Variants in ZNF688 observed in about 807,000 individuals in gnomAD.
ZNF688 encodes zinc finger protein 688.
In ZNF688, 10 loss-of-function variants were observed where a neutral mutation model predicts 13.2. The ratio of observed to expected loss-of-function variants is 0.76; its 90% CI spans 0.47 to 1.28. The LOEUF is 1.28. Among genes scored for constraint, ZNF688 ranks in the 50% most tolerant of loss-of-function variants. The pLI is 0.00. For missense variants in ZNF688, 381 were observed against 391.4 expected, an observed-to-expected ratio of 0.97 and a Z score of 0.22; for synonymous variants, 160 against 159.4, an observed-to-expected ratio of 1.00 and a Z score of -0.03.
At position 30,571,059 on chromosome 16, in the gene ZNF688, G is replaced by A; in HGVS notation, c.261C>T (p.Pro87=). The change falls in exon 2 of 3, where the codon CCC becomes CCT. Residue 87 remains proline, a synonymous_variant. Transcript: ENST00000223459. ...WMEQESEAWS[P]AAQDPEKGER... ...CCCCCTTCTCAGGATCCTGGGCGGC[G>A]GGGCTCCAAGCCTCACTCTCCTGTT... 4 of 1,611,238 alleles carry A rather than the reference G, an allele frequency of 2.5e-6. No individual in the cohort carries two copies. Among genetic ancestry groups the A allele is most frequent in the East Asian group, 2.2e-5 (1 of 44,702 alleles).
At chr16:30,577,149 A>C (rs1160791733), upstream of ZNF688, among the ~76,000 whole-genome samples, 2 of 152,136 alleles carry the variant, frequency 1.3e-5, no homozygotes, top group Non-Finnish European at 2.9e-5. Flanking sequence ...TGCAGCCTGG[A>C]ACTCTTGGGC....
At chr16:30,577,355 A>C (rs1413969317), upstream of ZNF688, among the ~76,000 whole-genome samples, 1 of 152,016 alleles carries the variant, frequency 6.6e-6, no homozygotes, top group Non-Finnish European at 1.5e-5. Flanking sequence ...AACAATAAAA[A>C]TATTAACTAA....
At chr16:30,579,727 C>T in the ZNF688 span, 1 of 447,874 alleles carries the variant, frequency 2.2e-6, no homozygotes, top group Non-Finnish European at 4.5e-6. Flanking sequence ...AAGAAGCAGT[C>T]TTTTCAAAGA....
chr16:30,573,258 C>T (rs747276222), upstream of ZNF688, among the ~76,000 whole-genome samples: 4 of 152,168 alleles, frequency 2.6e-5, no homozygotes, highest in East Asian at 7.7e-4. Context: ...ATAGCATCAA[C>T]TTTCAAATCC....
At position 30,570,109 on chromosome 16, in the gene ZNF688, C is replaced by A; in HGVS notation, c.638G>T (p.Cys213Phe). 6.2e-7 allele frequency: 1 copy of A among 1,611,268 alleles called. No homozygotes were observed. Among genetic ancestry groups the A allele is most frequent in the Non-Finnish European group, 8.5e-7 (1 of 1,178,872 alleles). ...CTTGAAGCGCATGCCACACTCGGGG[C>A]AGGGGAAAGGCCGCTCCCCCGAGTG... ...RMHSGERPFP[C>F]PECGMRFKRK... Residue 213 changes from cysteine (C) to phenylalanine (F), a missense_variant, in exon 3 of 3, where the codon TGC becomes TTC. Transcript: ENST00000223459.
intron 1 of ZNF688, 53 bp from the exon 2 acceptor site, chr16:30,571,176 T>C (rs779575921): frequency 3.9e-6 from 6 of 1,540,018 alleles, no homozygotes; most frequent in Admixed American, 4.2e-5. Flanking sequence ...CGTGGGAAGA[T>C]GGCATTCCCC....
rs1177146077 is a variant in ZNF688, at chr16:30,569,899, C to T, written c.*17G>A. 6.6e-6 allele frequency: 10 copies of T among 1,516,980 alleles called. No individual in the cohort carries two copies. The highest frequency in any genetic ancestry group is 8.8e-6 in the Non-Finnish European group (10 of 1,133,082). 94.0% of individuals were successfully genotyped at this position (1,516,980 alleles called of 1,614,324 possible). A position where few individuals can be genotyped will look rare whatever the true frequency, so the allele number is the denominator to read the frequency against. On this transcript the variant is annotated 3_prime_UTR_variant, in exon 3 of 3. Transcript: ENST00000223459. ...CTTCGTGCCAAGGTCAGGCTCAACT[C>T]CAGCCTGCGGTGCCGCTCAGCCGCA...
upstream of ZNF688, chr16:30,573,702 T>G (rs972409871): frequency 1.8e-5 from 3 of 164,664 alleles, no homozygotes; most frequent in African/African-American, 7.2e-5. Flanking sequence ...GATTTCTTTG[T>G]GTTTTCTGGC....
chr16:30,571,202 C>A (rs1387651323), intron 1 of ZNF688, 79 bp from the exon 2 acceptor site: 4 of 1,516,190 alleles, frequency 2.6e-6, no homozygotes, highest in Non-Finnish European at 3.5e-6. Flanking sequence ...GCTGAGGGCA[C>A]CCCCTCGGAG....
Position 30,571,690 on chromosome 16 carries a change from C to T in ZNF688, c.-61G>A. The stretch of plus-strand genomic sequence containing the variant: ...CCTGGAGCCGCCGCCTCCCCGCTCC[C>T]GGCCTCAGCTGTCGTTGTCCACAGG... On this transcript the variant is annotated 5_prime_UTR_variant, in exon 1 of 3. Transcript: ENST00000223459. The T allele has an allele frequency of 1.5e-6, 2 of 1,360,896 alleles. No individual in the cohort carries two copies. Among genetic ancestry groups the T allele is most frequent in the Non-Finnish European group, 1.9e-6 (2 of 1,062,390 alleles). 84.3% of individuals were successfully genotyped at this position (1,360,896 alleles called of 1,614,324 possible).
At chr16:30,576,653 CATTGTAGTTCTG>C (rs769766691), upstream of ZNF688, among the ~76,000 whole-genome samples, 1 of 152,130 alleles carries the variant, frequency 6.6e-6, no homozygotes, top group Non-Finnish European at 1.5e-5. Context: ...AGGCCGGCTT[CATTGTAGTTCTG>C]ATTTGCATTT....
At chr16:30,577,826 C>T in the ZNF688 span, among the ~76,000 whole-genome samples, 1 of 151,806 alleles carries the variant, frequency 6.6e-6, no homozygotes, top group African/African-American at 2.4e-5. Flanking sequence ...GAAAACAGCA[C>T]AACCTGCTAA....
At chr16:30,571,998 C>T (rs762663564), upstream of ZNF688, 16 of 1,385,574 alleles carry the variant, frequency 1.2e-5, no homozygotes, top group Non-Finnish European at 1.5e-5. Flanking sequence ...GCCTCATCGT[C>T]CCACTTGCCC....
chr16:30,576,461 C>T (rs1274005818), upstream of ZNF688, among the ~76,000 whole-genome samples: 4 of 152,170 alleles, frequency 2.6e-5, no homozygotes, highest in East Asian at 1.9e-4. Context: ...CCACCCACCT[C>T]GGCCTCCCAA....
rs755987990 is a variant in ZNF688, at chr16:30,571,125, T to C, written c.197-2A>G. 6.4e-7 allele frequency: 1 copy of C among 1,573,720 alleles called. No individual in the cohort carries two copies. Among genetic ancestry groups the C allele is most frequent in the African/African-American group, 1.4e-5 (1 of 72,904 alleles). On this transcript the variant is annotated splice_acceptor_variant, in intron 1 of 2. Coordinates refer to ENST00000223459, the MANE Select transcript of ZNF688 (RefSeq NM_145271.4). LOFTEE classifies it high-confidence loss of function. The stretch of plus-strand genomic sequence containing the variant: ...GGGCTGGTTTGGGGCCTGGGAATCC[T>C]GGGAGAGAACAGGGATCACAGCGCG...
chr16:30,575,148 C>T (rs2051734054), upstream of ZNF688, among the ~76,000 whole-genome samples: 1 of 152,042 alleles, frequency 6.6e-6, no homozygotes, highest in African/African-American at 2.4e-5. Flanking sequence ...AAACACGGCT[C>T]TACAGTAAAC....
Position 30,571,137 on chromosome 16 carries a change from G to A in ZNF688, c.197-14C>T, listed in dbSNP as rs2051673202. Reference sequence around the variant, plus strand: ...GGCCTGGGAATCCTGGGAGAGAACAGGGATCACAGCGCGGGCCTGAGAGGC... The same window carrying A: ...GGCCTGGGAATCCTGGGAGAGAACAAGGATCACAGCGCGGGCCTGAGAGGC... On this transcript the variant is annotated splice_polypyrimidine_tract_variant and intron_variant, in intron 1 of 2. Transcript: ENST00000223459. 1 of 1,569,612 alleles carries A rather than the reference G, an allele frequency of 6.4e-7. No individual in the cohort carries two copies. Among genetic ancestry groups the A allele is most frequent in the Admixed American group, 2.0e-5 (1 of 50,700 alleles).
chr16:30,571,101 G>A lies in ZNF688; in HGVS notation c.219C>T (p.Ala73=). The change falls in exon 2 of 3, where the codon GCC becomes GCT. Residue 73 remains alanine, a synonymous_variant. Transcript: ENST00000223459. ...TCTCCTGTTCCATCCAAGAGATGAG[G>A]GCTGGTTTGGGGCCTGGGAATCCTG... ...GALGFPGPKP[A]LISWMEQESE... is the part of the protein sequence containing the mutation. 6.3e-7 allele frequency: 1 copy of A among 1,588,232 alleles called. No homozygotes were observed. Among genetic ancestry groups the A allele is most frequent in the South Asian group, 1.1e-5 (1 of 89,264 alleles).
chr16:30,573,525 C>T (rs949103914), upstream of ZNF688, among the ~76,000 whole-genome samples: 1 of 152,180 alleles, frequency 6.6e-6, no homozygotes, highest in African/African-American at 2.4e-5. Flanking sequence ...ATGCAGAATA[C>T]TGTTTGCTAA....
Sources: gnomAD v4.1 joint callset for allele counts (sites outside exome capture counted in the v4.1 genomes callset) on GRCh38, gnomAD v4.1.1 for gene constraint, MANE v1.5 for transcripts, NCBI Gene and HGNC (gene_info 2026-07-23, HGNC 2026-07-21) for gene names.